Variants in SORCS1 observed in about 807,000 individuals in gnomAD.
SORCS1 encodes sortilin related VPS10 domain containing receptor 1.
A neutral mutation model predicts 146.1 loss-of-function variants in SORCS1; 60 were observed. That is an observed-to-expected ratio of 0.41 (90% CI 0.33 to 0.51). The LOEUF (loss-of-function observed/expected upper bound fraction) is 0.51, where lower values mean the gene tolerates loss of function less well. Among genes scored for constraint, SORCS1 ranks in the 20% least tolerant of loss-of-function variants. The pLI is 0.21. For synonymous variants in SORCS1, 637 were observed against 584.0 expected, an observed-to-expected ratio of 1.09 and a Z score of -1.31; for missense variants, 1,352 against 1,487.6, an observed-to-expected ratio of 0.91 and a Z score of 1.50.
intron 5 of SORCS1, among the ~76,000 whole-genome samples, chr10:106,746,191 A>T (rs7921285): frequency 0.22 from 33,341 of 151,948 alleles, 4,562 homozygotes; most frequent in East Asian, 0.48. Context: ...TCTGGAGAAA[A>T]CCAGACAGTC....
chr10:107,064,702 T>C (rs1961570617), intron 1 of SORCS1, among the ~76,000 whole-genome samples: 1 of 152,230 alleles, frequency 6.6e-6, no homozygotes, highest in African/African-American at 2.4e-5. Context: ...TTGGTGTTGA[T>C]AAACTGTGTT....
intron 5 of SORCS1, among the ~76,000 whole-genome samples, chr10:106,739,887 C>A (rs1589776732): frequency 6.7e-6 from 1 of 149,946 alleles, no homozygotes; most frequent in African/African-American, 2.5e-5. Context: ...GGAGGCAGAG[C>A]TTGCAATGAG....
chr10:106,796,963 C>G (rs1027637867), intron 3 of SORCS1, among the ~76,000 whole-genome samples: 1 of 152,048 alleles, frequency 6.6e-6, no homozygotes, highest in Non-Finnish European at 1.5e-5. Flanking sequence ...AAAAGTTAGC[C>G]GGGCGTGGTG....
intron 1 of SORCS1, among the ~76,000 whole-genome samples, chr10:107,116,818 G>GTA (rs1966070737): frequency 6.6e-6 from 1 of 152,086 alleles, no homozygotes; most frequent in Non-Finnish European, 1.5e-5. Flanking sequence ...TACACATTGA[G>GTA]TATATATGAT....
Position 106,880,863 on chromosome 10 carries a change from C to A in SORCS1, c.627-51190G>T, listed in dbSNP as rs564229959. Among the ~76,000 whole-genome samples the A allele has an allele frequency of 3.3e-5, 5 of 151,846 alleles. No individual in the cohort carries two copies. The South Asian group carries it at 1.0e-3, about 32-fold the overall frequency. On this transcript the variant is annotated intron_variant, in intron 2 of 25. Coordinates refer to ENST00000263054, the MANE Select transcript of SORCS1 (RefSeq NM_052918.5). The stretch of plus-strand genomic sequence containing the variant: ...CAGCACTTTGGGAGGCCGAGGCGGG[C>A]GGATCACAAGGTCAGGAGATGGAGA...
Position 106,880,193 on chromosome 10 carries a change from A to G in SORCS1, c.627-50520T>C, listed in dbSNP as rs535812612. 7.8e-4 allele frequency among the ~76,000 whole-genome samples: 119 copies of G among 152,284 alleles called. 1 individual carries two copies. In the South Asian group the frequency reaches 0.012, roughly 15 times the overall value. The stretch of plus-strand genomic sequence containing the variant: ...ATAGTTCCAAATGAAGTCTTTAGGT[A>G]TGAGAGTTCCATTTGACTTGTTGAA... On this transcript the variant is annotated intron_variant, in intron 2 of 25. Coordinates refer to ENST00000263054, the MANE Select transcript of SORCS1 (RefSeq NM_052918.5).
At chr10:107,127,926 T>A (rs1483797436) in intron 1 of SORCS1, among the ~76,000 whole-genome samples, 1 of 152,244 alleles carries the variant, frequency 6.6e-6, no homozygotes, top group Non-Finnish European at 1.5e-5. Flanking sequence ...ATGTATCATC[T>A]TGGAACCTCA....
intron 17 of SORCS1, among the ~76,000 whole-genome samples, chr10:106,664,013 GCTTTTC>G (rs1271607967): frequency 6.6e-6 from 1 of 152,172 alleles, no homozygotes; most frequent in Non-Finnish European, 1.5e-5. Flanking sequence ...CAATGCTGAT[GCTTTTC>G]TGCAAAATCT....
rs370054736 is a variant in SORCS1, at chr10:106,916,575, T to TATACAC, written c.626+39937_626+39938insGTGTAT. 2.7e-3 allele frequency among the ~76,000 whole-genome samples: 384 copies of TATACAC among 142,828 alleles called. 1 individual carries two copies. The highest frequency in any genetic ancestry group is 8.8e-3 in the African/African-American group (345 of 39,080). 93.7% of individuals were successfully genotyped at this position (142,828 alleles called of 152,430 possible). A position where few individuals can be genotyped will look rare whatever the true frequency, so the allele number is the denominator to read the frequency against. On this transcript the variant is annotated intron_variant, in intron 2 of 25. Coordinates refer to ENST00000263054, the MANE Select transcript of SORCS1 (RefSeq NM_052918.5). ...TGATATATAATTGTGTGCATATATA[T>TATACAC]ACACACACACACACACACACACACA...
In SORCS1 at chr10:106,671,621, T is replaced by C. The variant is rs551881655; in HGVS notation, c.2059-254A>G. On this transcript the variant is annotated intron_variant, in intron 15 of 25. Transcript: ENST00000263054. ...TTGTGTGCACTTATCAAGCCTTTAT[T>C]TGGCAAAGTGTTGGGTGCAGTGCTA... Among the ~76,000 whole-genome samples the C allele has an allele frequency of 2.0e-5, 3 of 152,322 alleles. 1 individual carries two copies. Among genetic ancestry groups the C allele is most frequent in the East Asian group, 3.9e-4 (2 of 5,182 alleles).
At chr10:107,010,118 C>T (rs1957633004) in intron 1 of SORCS1, among the ~76,000 whole-genome samples, 1 of 152,226 alleles carries the variant, frequency 6.6e-6, no homozygotes, top group Admixed American at 6.5e-5. Context: ...TCATCCACAA[C>T]ACCTGTTTTC....
At chr10:106,630,706 C>T (rs1310997457) in intron 18 of SORCS1, among the ~76,000 whole-genome samples, 2 of 152,166 alleles carry the variant, frequency 1.3e-5, no homozygotes, top group Non-Finnish European at 2.9e-5. Context: ...CTGTAAAACG[C>T]TACATAAAAA....
At chr10:107,134,058 A>G (rs1307202603) in intron 1 of SORCS1, among the ~76,000 whole-genome samples, 1 of 152,176 alleles carries the variant, frequency 6.6e-6, no homozygotes, top group Non-Finnish European at 1.5e-5. Context: ...TACTACTAGT[A>G]GTAGTAGCAG....
intron 2 of SORCS1, among the ~76,000 whole-genome samples, chr10:106,867,049 C>T (rs1382985076): frequency 6.6e-6 from 1 of 152,106 alleles, no homozygotes; most frequent in Non-Finnish European, 1.5e-5. Context: ...CCCAACTTTG[C>T]TAGAGAGGCC....
intron 1 of SORCS1, among the ~76,000 whole-genome samples, chr10:107,084,598 T>A (rs1043688321): frequency 2.6e-5 from 4 of 152,056 alleles, no homozygotes; most frequent in Non-Finnish European, 4.4e-5. Context: ...AAAAATAAAA[T>A]GTAATTTTAT....
rs182845587 is a variant in SORCS1, at chr10:106,934,107, A to C, written c.626+22406T>G. 2.1e-3 allele frequency among the ~76,000 whole-genome samples: 317 copies of C among 151,726 alleles called. 2 individuals carry two copies. Among genetic ancestry groups the C allele is most frequent in the African/African-American group, 6.8e-3 (281 of 41,428 alleles). Reference sequence around the variant, plus strand: ...AGACTCCATCTCAAAAAACAAAAAAAAAAAAAAAAAAGAAAGAAAATTTCA... The same window carrying C: ...AGACTCCATCTCAAAAAACAAAAAACAAAAAAAAAAAGAAAGAAAATTTCA... On this transcript the variant is annotated intron_variant, in intron 2 of 25. Coordinates refer to ENST00000263054, the MANE Select transcript of SORCS1 (RefSeq NM_052918.5).
intron 10 of SORCS1, among the ~76,000 whole-genome samples, chr10:106,680,584 C>T (rs1016467677): frequency 6.6e-6 from 1 of 152,138 alleles, no homozygotes; most frequent in Non-Finnish European, 1.5e-5. Flanking sequence ...CTTGTTTGTG[C>T]AGAAACCTCA....
chr10:106,703,502 G>C (rs555087833), intron 8 of SORCS1, among the ~76,000 whole-genome samples: 1 of 152,310 alleles, frequency 6.6e-6, no homozygotes, highest in South Asian at 2.1e-4. Context: ...ACTTTCCCCT[G>C]TCTGGAGGGC....
At chr10:106,880,199 G>T (rs1344922904) in intron 2 of SORCS1, among the ~76,000 whole-genome samples, 1 of 152,142 alleles carries the variant, frequency 6.6e-6, no homozygotes, top group Non-Finnish European at 1.5e-5. Context: ...AGGTATGAGA[G>T]TTCCATTTGA....
Sources: gnomAD v4.1 joint callset for allele counts (sites outside exome capture counted in the v4.1 genomes callset) on GRCh38, gnomAD v4.1.1 for gene constraint, MANE v1.5 for transcripts, NCBI Gene and HGNC (gene_info 2026-07-23, HGNC 2026-07-21) for gene names.